Variants in CDH18 observed in about 807,000 individuals in gnomAD.
CDH18 encodes the protein cadherin-18.
In CDH18, 31 loss-of-function variants were observed where a neutral mutation model predicts 67.9. The observed-to-expected ratio is 0.46, with a 90% CI of 0.34 to 0.62. CDH18 has a LOEUF of 0.62. Among genes scored for constraint, CDH18 ranks in the 20% least tolerant of loss-of-function variants. The pLI is 0.01. For synonymous variants in CDH18, 362 were observed against 347.2 expected (o/e 1.04, Z -0.48); for missense variants, 890 against 975.5 (o/e 0.91, Z 1.17).
At chr5:20,112,278 T>C (rs1193853252) in intron 2 of CDH18, among the ~76,000 whole-genome samples, 1 of 152,176 alleles carries the variant, frequency 6.6e-6, no homozygotes, top group Admixed American at 6.5e-5. Flanking sequence ...CATCTCATGC[T>C]TTACACTCTA....
intron 2 of CDH18, among the ~76,000 whole-genome samples, chr5:20,247,016 C>G (rs1185948326): frequency 6.6e-6 from 1 of 152,138 alleles, no homozygotes; most frequent in Non-Finnish European, 1.5e-5. Flanking sequence ...CCCCTGATAT[C>G]CTTCTTTCTG....
At chr5:19,992,732 C>T (rs534932654), upstream of CDH18, among the ~76,000 whole-genome samples, 10 of 150,090 alleles carry the variant, frequency 6.7e-5, no homozygotes, top group South Asian at 2.1e-4. Context: ...CTTTCTATTC[C>T]GGACATGCAA....
At chr5:20,468,529 A>T (rs1387601693) in intron 1 of CDH18, among the ~76,000 whole-genome samples, 4 of 152,154 alleles carry the variant, frequency 2.6e-5, no homozygotes, top group Admixed American at 2.6e-4. Flanking sequence ...AATCTGATAA[A>T]TATCTACATA....
Position 20,028,790 on chromosome 5 carries a change from T to G in CDH18, c.-517-36776A>C, listed in dbSNP as rs1409175983. 3.9e-5 allele frequency among the ~76,000 whole-genome samples: 6 copies of G among 152,288 alleles called. No homozygotes were observed. The East Asian group carries it at 1.2e-3, about 29-fold the overall frequency. The stretch of plus-strand genomic sequence containing the variant: ...TCAGAACATCACAGAATTTAAAACT[T>G]ACAATTTGCTTATTTCTGCAATTTG... On this transcript the variant is annotated intron_variant, in intron 2 of 14. Coordinates refer to the CDH18 transcript ENST00000507958.
At position 20,305,514 on chromosome 5, in the gene CDH18, C is replaced by A. The variant is rs540113127; in HGVS notation, c.-579-50009G>T. 41 of 959,040 alleles carry A rather than the reference C, an allele frequency of 4.3e-5. No individual in the cohort carries two copies. The African/African-American group carries it at 6.4e-4, about 15-fold the overall frequency. 59.4% of individuals were successfully genotyped at this position (959,040 alleles called of 1,614,324 possible). On this transcript the variant is annotated intron_variant, in intron 1 of 14. Transcript: ENST00000507958. ...GTCTTGGGTGCCGCGAAACCCGGGG[C>A]GCAGCGGCGCAGGGGTCTCGAGCGG...
At chr5:19,545,434 G>A (rs1736149849) in intron 8 of CDH18, among the ~76,000 whole-genome samples, 1 of 152,150 alleles carries the variant, frequency 6.6e-6, no homozygotes, top group Admixed American at 6.5e-5. Context: ...AATAAAAACA[G>A]ATTTATTAAT....
intron 2 of CDH18, among the ~76,000 whole-genome samples, chr5:20,130,821 C>A (rs1273099167): frequency 6.6e-6 from 1 of 151,540 alleles, no homozygotes; most frequent in Non-Finnish European, 1.5e-5. Flanking sequence ...ATACAGAATC[C>A]CAATCACTTC....
intron 1 of CDH18, among the ~76,000 whole-genome samples, chr5:20,392,250 T>C (rs1338371522): frequency 2.6e-5 from 4 of 151,836 alleles, no homozygotes; most frequent in Non-Finnish European, 5.9e-5. Context: ...ATTATACAAG[T>C]TGAAAATTTG....
chr5:20,481,857 A>G (rs1289182402), intron 1 of CDH18, among the ~76,000 whole-genome samples: 1 of 152,054 alleles, frequency 6.6e-6, no homozygotes, highest in Non-Finnish European at 1.5e-5. Context: ...CAGTAGAAAA[A>G]CTTCAAATGC....
intron 6 of CDH18, among the ~76,000 whole-genome samples, chr5:19,611,040 T>G (rs1748867336): frequency 6.6e-6 from 1 of 152,104 alleles, no homozygotes; most frequent in Admixed American, 6.6e-5. Context: ...TTTGACAGAG[T>G]ATTTAAATTC....
intron 11 of CDH18, among the ~76,000 whole-genome samples, chr5:19,496,648 C>G (rs1040255666): frequency 1.3e-5 from 2 of 151,944 alleles, no homozygotes; most frequent in African/African-American, 4.8e-5. Flanking sequence ...CCTGTCTCCA[C>G]TAAAAATACA....
chr5:19,748,342 G>T (rs1383157633), intron 3 of CDH18, among the ~76,000 whole-genome samples: 1 of 151,650 alleles, frequency 6.6e-6, no homozygotes, highest in African/African-American at 2.4e-5. Flanking sequence ...TACAGAAGAG[G>T]TATTCAATAA....
chr5:20,497,158 G>T (rs1241835388), intron 1 of CDH18, among the ~76,000 whole-genome samples: 2 of 152,114 alleles, frequency 1.3e-5, no homozygotes, highest in African/African-American at 4.8e-5. Context: ...GGTGGAGGCA[G>T]CAAAGAGGGA....
At chr5:20,312,183 G>A (rs997872696) in intron 1 of CDH18, among the ~76,000 whole-genome samples, 2 of 152,102 alleles carry the variant, frequency 1.3e-5, no homozygotes, top group Non-Finnish European at 2.9e-5. Flanking sequence ...AAAGTCCTCA[G>A]CTAACACAGT....
intron 2 of CDH18, among the ~76,000 whole-genome samples, chr5:19,900,648 ATGG>A (rs1789845928): frequency 6.6e-6 from 1 of 152,186 alleles, no homozygotes; most frequent in African/African-American, 2.4e-5. Context: ...AAAATTATGT[ATGG>A]TATAATTCCA....
chr5:19,479,741 T>A (rs1739085501), intron 12 of CDH18, among the ~76,000 whole-genome samples: 1 of 152,068 alleles, frequency 6.6e-6, no homozygotes, highest in South Asian at 2.1e-4. Flanking sequence ...TGCTTATATG[T>A]GAGGTATGGA....
intron 2 of CDH18, among the ~76,000 whole-genome samples, chr5:20,215,062 A>G (rs527391982): frequency 6.6e-6 from 1 of 152,110 alleles, no homozygotes; most frequent in Non-Finnish European, 1.5e-5. Context: ...GAAGACATGC[A>G]TGTGGCCAAC....
chr5:19,788,083 T>C (rs1776001950), intron 3 of CDH18, among the ~76,000 whole-genome samples: 1 of 152,112 alleles, frequency 6.6e-6, no homozygotes, highest in Non-Finnish European at 1.5e-5. Context: ...GAAAACCTGT[T>C]GCATGTGTTT....
intron 2 of CDH18, among the ~76,000 whole-genome samples, chr5:20,221,068 C>A (rs577383346): frequency 8.4e-4 from 128 of 151,936 alleles, no homozygotes; most frequent in Non-Finnish European, 1.5e-3. Context: ...TTGGACATTT[C>A]TTGAAAAACT....
Sources: allele counts gnomAD v4.1 joint callset (sites outside exome capture counted in the v4.1 genomes callset), GRCh38; gene constraint gnomAD v4.1.1; transcripts MANE v1.5; gene names NCBI Gene and HGNC (gene_info 2026-07-23, HGNC 2026-07-21).